Variants in PAH observed in about 807,000 individuals in gnomAD.
The protein encoded by PAH is phenylalanine-4-hydroxylase.
A neutral mutation model predicts 62.0 loss-of-function variants in PAH; 64 were observed. The observed-to-expected ratio is 1.03, with a 90% CI of 0.84 to 1.27. The LOEUF is 1.27. PAH is among the 50% of genes most tolerant of loss of function. PAH has a pLI of 0.00. For missense variants in PAH, 579 were observed against 542.8 expected (o/e 1.07, Z -0.66); for synonymous variants, 195 against 196.2 (o/e 0.99, Z 0.05).
upstream of PAH, among the ~76,000 whole-genome samples, chr12:102,955,543 C>T (rs555501425): frequency 6.6e-6 from 1 of 152,182 alleles, no homozygotes; most frequent in South Asian, 2.1e-4. Flanking sequence ...CTCCCTCCCA[C>T]CCCCAACACT....
intron 3 of PAH, among the ~76,000 whole-genome samples, chr12:102,894,107 G>C (rs1007308686): frequency 6.6e-6 from 1 of 152,148 alleles, no homozygotes; most frequent in Admixed American, 6.5e-5. Context: ...CAATCATCTT[G>C]AGTTGATTTT....
At position 102,867,951 on chromosome 12, in the gene PAH, A is replaced by G. The variant is rs535239346; in HGVS notation, c.442-1288T>C. ...TAGATGTATATATACATGTATATACATATATAGATGTATATATACATGTAT... is the reference window on the plus strand; with the variant it reads ...TAGATGTATATATACATGTATATACGTATATAGATGTATATATACATGTAT... On this transcript the variant is annotated intron_variant, in intron 4 of 12. Coordinates refer to ENST00000553106, the MANE Select transcript of PAH (RefSeq NM_000277.3). Among the ~76,000 whole-genome samples, 28 of 118,058 alleles carry G rather than the reference A, an allele frequency of 2.4e-4. 1 individual carries two copies. Among genetic ancestry groups the G allele is most frequent in the African/African-American group, 7.9e-4 (26 of 32,870 alleles). 77.5% of individuals were successfully genotyped at this position (118,058 alleles called of 152,430 possible).
chr12:102,869,598 C>A (rs544932439), intron 4 of PAH, among the ~76,000 whole-genome samples: 2 of 152,252 alleles, frequency 1.3e-5, no homozygotes, highest in East Asian at 3.9e-4. Context: ...ACAGATAATG[C>A]ACTATACAGA....
chr12:102,871,561 T>C (rs11111410), intron 4 of PAH, among the ~76,000 whole-genome samples: 31,110 of 152,062 alleles, frequency 0.2, 3,693 homozygotes, highest in Admixed American at 0.35. Flanking sequence ...AGGAAACTCT[T>C]TTACATATCA....
rs897449286 is a variant in PAH at position 102,838,902 on chromosome 12, C to G, written c.*273G>C. On this transcript the variant is annotated 3_prime_UTR_variant, in exon 13 of 13. Transcript: ENST00000553106. ...AATTTTAATTAATCTTGATGAAATG[C>G]GACAGATTACTGATTTAACTCAATT... The G allele has an allele frequency of 4.1e-6, 2 of 490,028 alleles. No individual in the cohort carries two copies. The highest frequency in any genetic ancestry group is 7.3e-6 in the Non-Finnish European group (2 of 273,282). 30.4% of individuals were successfully genotyped at this position (490,028 alleles called of 1,614,324 possible).
intron 12 of PAH, 148 bp downstream of exon 12, chr12:102,840,252 A>G: frequency 1.6e-6 from 1 of 642,368 alleles, no homozygotes; most frequent in Non-Finnish European, 2.8e-6. Flanking sequence ...GTTCTTCTCC[A>G]TCAATGAACC....
At chr12:102,896,828 T>C (rs1877525179) in intron 2 of PAH, among the ~76,000 whole-genome samples, 1 of 152,214 alleles carries the variant, frequency 6.6e-6, no homozygotes, top group Non-Finnish European at 1.5e-5. Flanking sequence ...GAATATCGTC[T>C]TTAAATCAAA....
chr12:102,937,364 C>T (rs1391612900), intron 1 of PAH, among the ~76,000 whole-genome samples: 31 of 151,996 alleles, frequency 2.0e-4, no homozygotes, highest in Admixed American at 2.0e-3. Flanking sequence ...TTAGTGAAAG[C>T]AGTTTTCTAT....
At chr12:102,860,965 A>G (rs1875687550) in intron 5 of PAH, among the ~76,000 whole-genome samples, 1 of 152,230 alleles carries the variant, frequency 6.6e-6, no homozygotes, top group Non-Finnish European at 1.5e-5. Flanking sequence ...AATGGCAACA[A>G]AAGCCGAAAT....
chr12:102,928,235 G>A lies in PAH; in HGVS notation c.-95-11010C>T, dbSNP rs76546134. 5.3e-4 allele frequency among the ~76,000 whole-genome samples: 81 copies of A among 152,270 alleles called. 2 individuals carry two copies. The East Asian group carries it at 0.013, about 25-fold the overall frequency. On this transcript the variant is annotated intron_variant, in intron 1 of 3. Coordinates refer to the PAH transcript ENST00000546844. The stretch of plus-strand genomic sequence containing the variant: ...ATATTTTGATACAATCATACAATGA[G>A]TCATAATCACATCAGGGTAAATGGG...
chr12:102,925,209 G>A (rs183002773), intron 1 of PAH, among the ~76,000 whole-genome samples: 1 of 152,276 alleles, frequency 6.6e-6, no homozygotes, highest in Non-Finnish European at 1.5e-5. Flanking sequence ...CATAGAGGAG[G>A]CACACCCTTC....
At chr12:102,931,906 T>C (rs1878891111) in intron 1 of PAH, among the ~76,000 whole-genome samples, 2 of 152,194 alleles carry the variant, frequency 1.3e-5, no homozygotes, top group South Asian at 4.1e-4. Context: ...GCAGCCCCTG[T>C]ACTAGACACC....
chr12:102,846,250 A>C (rs1291217043), intron 9 of PAH, among the ~76,000 whole-genome samples: 1 of 152,226 alleles, frequency 6.6e-6, no homozygotes, highest in Admixed American at 6.5e-5. Flanking sequence ...TTCTAAACTG[A>C]TATATCTTAA....
At chr12:102,953,479 G>A (rs768321677), upstream of PAH, 2 of 152,134 alleles carry the variant, frequency 1.3e-5, no homozygotes, top group Non-Finnish European at 2.9e-5. Context: ...AGCAAAGGTG[G>A]TACTGGCCTG....
intron 4 of PAH, among the ~76,000 whole-genome samples, chr12:102,866,962 G>A (rs1876004481): frequency 6.6e-6 from 1 of 152,190 alleles, no homozygotes; most frequent in Non-Finnish European, 1.5e-5. Flanking sequence ...GCTAAACTAA[G>A]CAAAGTTCAT....
At chr12:102,906,227 A>G (rs373509083) in intron 2 of PAH, among the ~76,000 whole-genome samples, 111 of 152,352 alleles carry the variant, frequency 7.3e-4, no homozygotes, top group African/African-American at 2.6e-3. Context: ...TCTTAAATGT[A>G]TAGAGAAATG....
chr12:102,903,371 A>AC (rs59633303), intron 2 of PAH, among the ~76,000 whole-genome samples: 16,794 of 132,230 alleles, frequency 0.13, 1,199 homozygotes, highest in Admixed American at 0.23. Context: ...AAAAAAAAAA[A>AC]ACACACACAC....
chr12:102,904,282 C>T (rs961982589), intron 2 of PAH, among the ~76,000 whole-genome samples: 18 of 152,170 alleles, frequency 1.2e-4, no homozygotes, highest in African/African-American at 4.3e-4. Flanking sequence ...TCCTTAACCC[C>T]AATGCCATTC....
At chr12:102,914,848 C>T (rs1269389823) in intron 1 of PAH, among the ~76,000 whole-genome samples, 1 of 152,260 alleles carries the variant, frequency 6.6e-6, no homozygotes, top group South Asian at 2.1e-4. Flanking sequence ...GTGTGTTCAG[C>T]CAATCACAAG....
Sources: allele counts gnomAD v4.1 joint callset (sites outside exome capture counted in the v4.1 genomes callset), GRCh38; gene constraint gnomAD v4.1.1; transcripts MANE v1.5; gene names NCBI Gene and HGNC (gene_info 2026-07-23, HGNC 2026-07-21).